MYH14: variants seen among roughly 807,000 people sequenced by gnomAD.
The protein encoded by MYH14 is myosin-14.
MYH14 carries 123 observed loss-of-function variants against 255.5 expected under a neutral mutation model. The ratio of observed to expected loss-of-function variants is 0.48; its 90% CI spans 0.42 to 0.56. The LOEUF (loss-of-function observed/expected upper bound fraction) is 0.56. MYH14 is among the 20% of genes least tolerant of loss of function. MYH14 has a pLI of 0.00. For missense variants in MYH14, 2,423 were observed against 2,802.3 expected, an observed-to-expected ratio of 0.86 and a Z score of 3.06; for synonymous variants, 1,095 against 1,161.2, an observed-to-expected ratio of 0.94 and a Z score of 1.16.
chr19:50,301,125 G>A (rs2036467866), intron 39 of MYH14, among the ~76,000 whole-genome samples: 1 of 152,154 alleles, frequency 6.6e-6, no homozygotes, highest in South Asian at 2.1e-4. Context: ...TTAGGGGTGT[G>A]TTTACACATT....
intron 3 of MYH14, among the ~76,000 whole-genome samples, chr19:50,220,166 T>C (rs568224380): frequency 7.9e-5 from 12 of 152,140 alleles, no homozygotes; most frequent in African/African-American, 2.4e-4. Flanking sequence ...CACCCCAGCC[T>C]CACCCACCTT....
chr19:50,260,792 C>G, intron 20 of MYH14, 77 bp downstream of exon 20: 1 of 1,125,826 alleles, frequency 8.9e-7, no homozygotes, highest in South Asian at 1.3e-5. Flanking sequence ...TGTGTGTGTG[C>G]ATGCATATGT....
At chr19:50,303,694 A>G (rs2036567219) in intron 40 of MYH14, among the ~76,000 whole-genome samples, 1 of 152,174 alleles carries the variant, frequency 6.6e-6, no homozygotes, top group African/African-American at 2.4e-5. Flanking sequence ...TAGGCAGCCA[A>G]AAGATGGTAG....
At chr19:50,244,417 G>C in intron 11 of MYH14, 80 bp downstream of exon 11, 1 of 1,046,212 alleles carries the variant, frequency 9.6e-7, no homozygotes, top group Non-Finnish European at 1.5e-6. Flanking sequence ...CCTGTCCCAC[G>C]TAGAGAGCAT....
chr19:50,243,055 G>A (rs764506248), intron 10 of MYH14, among the ~76,000 whole-genome samples: 3 of 152,122 alleles, frequency 2.0e-5, no homozygotes, highest in African/African-American at 4.8e-5. Context: ...CTCCAGGTGC[G>A]AGTTACGGTG....
chr19:50,273,643 C>T (rs1239702781), intron 27 of MYH14, among the ~76,000 whole-genome samples: 2 of 143,896 alleles, frequency 1.4e-5, no homozygotes, highest in Admixed American at 6.9e-5. Context: ...GTTAAGAACA[C>T]GTCTTTGTTT....
chr19:50,239,261 C>T (rs903500828), intron 10 of MYH14, among the ~76,000 whole-genome samples: 4 of 152,312 alleles, frequency 2.6e-5, no homozygotes, highest in South Asian at 2.1e-4. Flanking sequence ...TCAGGTGAAC[C>T]GCCTGCCTCG....
Position 50,210,699 on chromosome 19 carries a change from G to A in MYH14, c.334G>A (p.Glu112Lys). The part of the protein sequence containing the change: ...PKFSKAEDMA[E>K]LTCLNEASVL... ...GTTCAGCAAGGCCGAGGACATGGCC[G>A]AGCTGACCTGCCTCAACGAGGCCTC... is the stretch of plus-strand genomic sequence containing the variant. The change falls in exon 2 of 43, where the codon GAG becomes AAG. Residue 112 changes from glutamate (E) to lysine (K), a missense_variant. Physicochemically the swap from Glu to Lys is moderately conservative, Grantham distance 56. Around this residue, in one of 3 missense-constraint regions of MYH14, gnomAD observed 238 missense variants for 245.8 expected, o/e 0.97. Transcript: ENST00000642316. The A allele has an allele frequency of 3.8e-6, 6 of 1,569,282 alleles. No individual in the cohort carries two copies. The highest frequency in any genetic ancestry group is 1.2e-5 in the South Asian group (1 of 85,410).
In MYH14 at chr19:50,268,316, G is replaced by A. The variant is rs1410221091; in HGVS notation, c.2982G>A (p.Glu994=). The stretch of plus-strand genomic sequence containing the variant: ...AGGCTCGCGTGGGCGAGGAGGAGGA[G>A]TGCAGCCGTCAAATGCAAACCGAGA... ...ELEARVGEEE[E]CSRQMQTEKK... The change falls in exon 24 of 43, where the codon GAG becomes GAA. Residue 994 remains glutamate (E), a synonymous_variant. Coordinates refer to ENST00000642316, the MANE Select transcript of MYH14 (RefSeq NM_001145809.2). The A allele has an allele frequency of 1.3e-6, 2 of 1,588,710 alleles. No individual in the cohort carries two copies. Among genetic ancestry groups the A allele is most frequent in the Non-Finnish European group, 1.7e-6 (2 of 1,168,870 alleles).
At chr19:50,301,408 C>T (rs187775643) in intron 39 of MYH14, among the ~76,000 whole-genome samples, 144 of 152,258 alleles carry the variant, frequency 9.5e-4, no homozygotes, top group African/African-American at 3.3e-3. Flanking sequence ...GTGATGGTCT[C>T]GTGGACTTAT....
At chr19:50,303,067 T>C (rs2036546961) in intron 40 of MYH14, among the ~76,000 whole-genome samples, 1 of 152,202 alleles carries the variant, frequency 6.6e-6, no homozygotes, top group Non-Finnish European at 1.5e-5. Flanking sequence ...GCCAGTTAGT[T>C]ATAGCTGAAT....
In MYH14 at chr19:50,280,483, T is replaced by A. The variant is rs1050455421; in HGVS notation, c.4290+100T>A. The A allele has an allele frequency of 2.5e-5, 32 of 1,278,964 alleles. No homozygotes were observed. The African/African-American group carries it at 4.8e-4, about 19-fold the overall frequency. The allele number at this position is 1,278,964 out of a possible 1,614,324, so 79.2% of individuals were successfully genotyped here. The stretch of plus-strand genomic sequence containing the variant: ...GATGGCCATGCTGCCCACCTTCTCA[T>A]AGGCCAGACCCATGGGTGCCTTTCT... On this transcript the variant is annotated intron_variant, in intron 32 of 42. Coordinates refer to ENST00000642316, the MANE Select transcript of MYH14 (RefSeq NM_001145809.2). This position sits in a 1 kb window ranked among gnomAD's most constrained non-coding sequence, Gnocchi z 4.8.
chr19:50,219,448 T>G (rs995031679), intron 3 of MYH14, among the ~76,000 whole-genome samples: 3 of 152,152 alleles, frequency 2.0e-5, no homozygotes, highest in Non-Finnish European at 4.4e-5. Flanking sequence ...TGGTGGAATG[T>G]AAACTAGTAC....
chr19:50,300,865 G>A (rs1219590868), intron 39 of MYH14, among the ~76,000 whole-genome samples: 1 of 152,130 alleles, frequency 6.6e-6, no homozygotes, highest in Admixed American at 6.5e-5. Flanking sequence ...TGAGGCTGCA[G>A]TGAGCTGGGA....
intron 27 of MYH14, among the ~76,000 whole-genome samples, chr19:50,274,932 CA>C (rs1206238409): frequency 0.2 from 23,269 of 115,630 alleles, 1,988 homozygotes; most frequent in South Asian, 0.35. Context: ...CCCTCTCTCT[CA>C]AAAAAAAAAA....
At chr19:50,290,147 T>C (rs1249738709) in intron 35 of MYH14, among the ~76,000 whole-genome samples, 1 of 150,704 alleles carries the variant, frequency 6.6e-6, no homozygotes, top group Non-Finnish European at 1.5e-5. Context: ...TTCCAACCCA[T>C]CTCCTCTCCC....
At chr19:50,228,555 G>T (rs1273660956) in intron 8 of MYH14, among the ~76,000 whole-genome samples, 2 of 152,082 alleles carry the variant, frequency 1.3e-5, no homozygotes, top group African/African-American at 4.8e-5. Context: ...CAAGTCCCCA[G>T]CAGCACCGCA....
In MYH14 at chr19:50,210,517, C is replaced by T; in HGVS notation, c.152C>T (p.Thr51Met). The T allele has an allele frequency of 1.9e-6, 3 of 1,571,324 alleles. No individual in the cohort carries two copies. Among genetic ancestry groups the T allele is most frequent in the Non-Finnish European group, 2.6e-6 (3 of 1,160,516 alleles). The change falls in exon 2 of 43, where the codon ACG becomes ATG. Residue 51 changes from threonine (T) to methionine (M), a missense_variant. This residue lies in a region of MYH14 where 238 missense variants were observed against 245.8 expected (regional missense o/e 0.97). Coordinates refer to ENST00000642316, the MANE Select transcript of MYH14 (RefSeq NM_001145809.2). Reference sequence around the variant, plus strand: ...GGCACCTCCCCGCAGGTGGAGTGGACGGCCCGGCGTCTCGTGTGGGTGCCT... The same window carrying T: ...GGCACCTCCCCGCAGGTGGAGTGGATGGCCCGGCGTCTCGTGTGGGTGCCT... The part of the protein sequence containing the change: ...GSGTSPQVEW[T>M]ARRLVWVPSE...
chr19:50,303,348 T>C (rs2036555515), intron 40 of MYH14, among the ~76,000 whole-genome samples: 2 of 152,206 alleles, frequency 1.3e-5, no homozygotes, highest in African/African-American at 4.8e-5. Flanking sequence ...GTCTCTGCTC[T>C]ATGTGGCCTC....
Sources: allele counts gnomAD v4.1 joint callset (sites outside exome capture counted in the v4.1 genomes callset), GRCh38; gene constraint gnomAD v4.1.1; regional missense constraint gnomAD v4.1.1; non-coding constraint Gnocchi (gnomAD v3.1); transcripts MANE v1.5; gene names NCBI Gene and HGNC (gene_info 2026-07-23, HGNC 2026-07-21).